Variants in TMED3 observed in about 807,000 individuals in gnomAD.
TMED3 encodes transmembrane emp24 domain-containing protein 3.
Under a neutral mutation model 15.0 loss-of-function variants are expected in TMED3, and 9 were observed. That is an observed-to-expected ratio of 0.60 (90% CI 0.36 to 1.04). The LOEUF is 1.04. Ranked by LOEUF, TMED3 falls within the 50% of genes least tolerant of loss-of-function variation. The probability of loss-of-function intolerance (pLI) is 0.01; values close to 1 mark genes in which losing one functional copy is unlikely to be tolerated. For synonymous variants in TMED3, 117 were observed against 121.4 expected, an observed-to-expected ratio of 0.96 and a Z score of 0.24; for missense variants, 267 against 278.9, an observed-to-expected ratio of 0.96 and a Z score of 0.30.
intron 2 of TMED3, among the ~76,000 whole-genome samples, chr15:79,320,286 G>A (rs907207803): frequency 6.6e-6 from 1 of 151,974 alleles, no homozygotes; most frequent in African/African-American, 2.4e-5. Context: ...GTGTGGCCTG[G>A]TTTTTCCTAG....
intron 2 of TMED3, among the ~76,000 whole-genome samples, chr15:79,366,157 A>G (rs1453102043): frequency 6.6e-6 from 1 of 152,160 alleles, no homozygotes; most frequent in Non-Finnish European, 1.5e-5. Flanking sequence ...ATAGCTCACA[A>G]TATCATCAAA....
intron 2 of TMED3, among the ~76,000 whole-genome samples, chr15:79,385,532 C>T (rs1893614468): frequency 6.6e-6 from 1 of 152,130 alleles, no homozygotes; most frequent in South Asian, 2.1e-4. Context: ...CCCATCCCAC[C>T]CTGCTGGAAG....
chr15:79,331,274 G>T (rs549490077), intron 2 of TMED3, among the ~76,000 whole-genome samples: 1 of 152,292 alleles, frequency 6.6e-6, no homozygotes, highest in African/African-American at 2.4e-5. Context: ...ACAGTGAACT[G>T]ATTTTTGACA....
chr15:79,408,674 G>A lies in TMED3; in HGVS notation c.418-2726G>A, dbSNP rs187600081. ...GCCAGAAACCCAGGGTCCAGATCTG[G>A]GATGGTCAATTCTGTGCTGTGTGGC... On this transcript the variant is annotated intron_variant, in intron 2 of 2. Coordinates refer to the TMED3 transcript ENST00000424155. Among the ~76,000 whole-genome samples the A allele has an allele frequency of 3.8e-3, 571 of 152,214 alleles. 1 individual carries two copies. The highest frequency in any genetic ancestry group is 0.013 in the African/African-American group (535 of 41,522).
intron 2 of TMED3, among the ~76,000 whole-genome samples, chr15:79,349,857 G>T (rs2903060): frequency 0.094 from 14,242 of 152,154 alleles, 712 homozygotes; most frequent in Admixed American, 0.12. Context: ...TCCTATTGGA[G>T]GACATTAATC....
chr15:79,410,093 A>G (rs1427560754), intron 2 of TMED3, among the ~76,000 whole-genome samples: 2 of 152,176 alleles, frequency 1.3e-5, no homozygotes, highest in South Asian at 2.1e-4. Context: ...CCACCTATTC[A>G]TTAAGTAAAT....
exon 3 of TMED3, chr15:79,411,864 TCCCATGG>T (rs1292218258): frequency 1.4e-4 from 30 of 211,106 alleles, no homozygotes; most frequent in East Asian, 7.1e-4. Flanking sequence ...CTCGACTTGC[TCCCATGG>T]CAGACTTTAA....
intron 2 of TMED3, among the ~76,000 whole-genome samples, chr15:79,370,449 G>A (rs566391132): frequency 1.3e-5 from 2 of 152,016 alleles, no homozygotes; most frequent in African/African-American, 2.4e-5. Flanking sequence ...CAGCCCCAGC[G>A]ATGGGCTCCG....
intron 2 of TMED3, among the ~76,000 whole-genome samples, chr15:79,395,515 T>A (rs1893752856): frequency 6.6e-6 from 1 of 152,204 alleles, no homozygotes; most frequent in Non-Finnish European, 1.5e-5. Context: ...ATACTTAATT[T>A]AAAAATATTT....
At chr15:79,358,977 A>G (rs1283361690) in intron 2 of TMED3, among the ~76,000 whole-genome samples, 1 of 152,176 alleles carries the variant, frequency 6.6e-6, no homozygotes, top group African/African-American at 2.4e-5. Context: ...TTGCATGCCA[A>G]ACCTGCATCT....
intron 2 of TMED3, among the ~76,000 whole-genome samples, chr15:79,337,794 TCA>T (rs1195329212): frequency 5.3e-5 from 8 of 152,234 alleles, no homozygotes. Flanking sequence ...CCTCTGACCC[TCA>T]GTTTCCTCGT....
chr15:79,339,364 C>T (rs550703593), intron 2 of TMED3, among the ~76,000 whole-genome samples: 8 of 152,232 alleles, frequency 5.3e-5, no homozygotes, highest in African/African-American at 1.2e-4. Flanking sequence ...AGTGGTCCCC[C>T]GGGCCCAGGT....
intron 1 of TMED3, among the ~76,000 whole-genome samples, chr15:79,312,731 T>G (rs563955532): frequency 1.1e-3 from 170 of 152,376 alleles, no homozygotes; most frequent in Middle Eastern, 6.8e-3. Context: ...CTTCCACCGC[T>G]GACACTCAGA....
intron 2 of TMED3, among the ~76,000 whole-genome samples, chr15:79,374,253 T>C (rs1217825372): frequency 2.0e-5 from 3 of 152,200 alleles, no homozygotes; most frequent in Non-Finnish European, 4.4e-5. Context: ...TGGAATTTGG[T>C]ATCTTATTGC....
At position 79,313,911 on chromosome 15, in the gene TMED3, C is replaced by T; in HGVS notation, c.323C>T (p.Thr108Ile). 2 of 1,614,218 alleles carry T rather than the reference C, an allele frequency of 1.2e-6. No individual in the cohort carries two copies. The highest frequency in any genetic ancestry group is 1.7e-6 in the Non-Finnish European group (2 of 1,180,048). The change falls in exon 2 of 3, where the codon ACC becomes ATC. Residue 108 changes from threonine (T) to isoleucine (I), a missense_variant. This residue lies in a region of TMED3 where 69 missense variants were observed against 106.8 expected (regional missense o/e 0.65). Coordinates refer to ENST00000299705, the MANE Select transcript of TMED3 (RefSeq NM_007364.4). ...TTTTGCTTCAGTAATGAGTTTTCCA[C>T]CTTCTCTCACAAGACCGTCTACTTT... ...YQFCFSNEFS[T>I]FSHKTVYFDF...
intron 2 of TMED3, among the ~76,000 whole-genome samples, chr15:79,401,006 A>G (rs1893826222): frequency 6.6e-6 from 1 of 152,186 alleles, no homozygotes; most frequent in South Asian, 2.1e-4. Context: ...AGGACCAAAC[A>G]TCCTGAAGAT....
At chr15:79,407,748 A>G (rs1017695243) in intron 2 of TMED3, among the ~76,000 whole-genome samples, 4 of 152,200 alleles carry the variant, frequency 2.6e-5, no homozygotes, top group Non-Finnish European at 5.9e-5. Context: ...ATGGTCTGCA[A>G]AGTCTAAAAC....
chr15:79,397,310 C>G (rs1300770981), intron 2 of TMED3, among the ~76,000 whole-genome samples: 1 of 152,206 alleles, frequency 6.6e-6, no homozygotes, highest in Non-Finnish European at 1.5e-5. Context: ...GAGAACCATG[C>G]CTTTCAGAAA....
At chr15:79,376,195 C>T (rs779604068) in intron 2 of TMED3, among the ~76,000 whole-genome samples, 48 of 144,568 alleles carry the variant, frequency 3.3e-4, no homozygotes, top group South Asian at 1.8e-3. Flanking sequence ...CTGCAAGCTC[C>T]GCCTCCCGGG....
Sources: gnomAD v4.1 joint callset for allele counts (sites outside exome capture counted in the v4.1 genomes callset) on GRCh38, gnomAD v4.1.1 for gene constraint, gnomAD v4.1.1 regional missense constraint, MANE v1.5 for transcripts, NCBI Gene and HGNC (gene_info 2026-07-23, HGNC 2026-07-21) for gene names.